The following ARHGAP21 variants were observed in gnomAD, a reference collection of about 807,000 sequenced individuals.
ARHGAP21 encodes Rho GTPase activating protein 21.
A neutral mutation model predicts 164.6 loss-of-function variants in ARHGAP21; 38 were observed. The ratio of observed to expected loss-of-function variants is 0.23; its 90% confidence interval spans 0.18 to 0.30. The LOEUF is 0.30. Ranked by LOEUF, ARHGAP21 falls within the 10% of genes least tolerant of loss-of-function variation. The pLI is 1.00. For synonymous variants in ARHGAP21, 766 were observed against 857.9 expected (o/e 0.89, Z 1.87); for missense variants, 1,822 against 2,370.7 (o/e 0.77, Z 4.81).
intron 2 of ARHGAP21, among the ~76,000 whole-genome samples, chr10:24,712,605 A>G (rs570550486): frequency 3.0e-4 from 45 of 152,218 alleles, no homozygotes; most frequent in Non-Finnish European, 5.3e-4. Flanking sequence ...GTACTTGTTC[A>G]GCACAGACAC....
chr10:24,588,321 A>G (rs879894216), intron 25 of ARHGAP21, among the ~76,000 whole-genome samples: 21 of 152,224 alleles, frequency 1.4e-4, no homozygotes, highest in Non-Finnish European at 2.6e-4. Context: ...ATTCAGAACA[A>G]AAGTGTGAAT....
chr10:24,635,140 C>A (rs760192357), intron 4 of ARHGAP21, 37 bp from the exon 5 acceptor site: 82 of 1,333,830 alleles, frequency 6.1e-5, no homozygotes, highest in Middle Eastern at 2.1e-4. Flanking sequence ...TTTTACTTCA[C>A]AATACTTTAC....
rs1834493797 is a variant in ARHGAP21 at position 24,621,053 on chromosome 10, A to T, written c.842T>A (p.Val281Asp). ...VRTVIVPSEK[V>D]VDLLSNRNNH... is the part of the protein sequence containing the mutation. ...GTTTCTATTGGATAACAAATCTACA[A>T]CCTTCTCAGAAGGCACAATGACAGT... Residue 281 changes from valine (V) to aspartate (D), a missense_variant, in exon 9 of 26, where the codon GTT becomes GAT. Val to Asp is a radical substitution (Grantham distance 152, BLOSUM62 -3). Transcript: ENST00000396432. The T allele has an allele frequency of 6.2e-7, 1 of 1,613,848 alleles. No homozygotes were observed. The highest frequency in any genetic ancestry group is 1.7e-5 in the Admixed American group (1 of 59,990).
At chr10:24,594,210 C>T (rs896238468) in intron 21 of ARHGAP21, among the ~76,000 whole-genome samples, 3 of 152,292 alleles carry the variant, frequency 2.0e-5, no homozygotes, top group South Asian at 4.1e-4. Flanking sequence ...ATTTTAAAAT[C>T]TCTGATGATA....
chr10:24,626,765 T>A (rs541203610), intron 7 of ARHGAP21, among the ~76,000 whole-genome samples: 4 of 152,346 alleles, frequency 2.6e-5, no homozygotes, highest in South Asian at 4.1e-4. Context: ...AAAACCTTTT[T>A]ATTTTGCAAT....
In ARHGAP21 at chr10:24,601,989, C is replaced by T; in HGVS notation, c.2836G>A (p.Asp946Asn). 2 of 1,610,868 alleles carry T rather than the reference C, an allele frequency of 1.2e-6. No individual in the cohort carries two copies. Among genetic ancestry groups the T allele is most frequent in the Non-Finnish European group, 1.7e-6 (2 of 1,179,378 alleles). The part of the protein sequence containing the change: ...GWLHFRPLVT[D>N]KGKRVGGSIR... ...AGAAAACACACTACCTTGCCCTTAT[C>T]GGTGACAAGGGGTCGGAAATGAAGC... Residue 946 changes from aspartate to asparagine, a missense_variant, in exon 13 of 26, where the codon GAT (aspartate) becomes AAT (asparagine). Coordinates refer to ENST00000396432, the MANE Select transcript of ARHGAP21 (RefSeq NM_020824.4).
chr10:24,704,295 T>C (rs1206105562), intron 2 of ARHGAP21, among the ~76,000 whole-genome samples: 12 of 147,450 alleles, frequency 8.1e-5, no homozygotes, highest in African/African-American at 2.5e-4. Context: ...TTTTCTTTTT[T>C]TTTTTTTTTT....
intron 4 of ARHGAP21, among the ~76,000 whole-genome samples, chr10:24,655,215 G>A (rs1417793717): frequency 6.6e-6 from 1 of 152,206 alleles, no homozygotes; most frequent in African/African-American, 2.4e-5. Flanking sequence ...CATGGGCAAG[G>A]ACTTCGTGTC....
At chr10:24,717,466 G>A (rs1416652544) in intron 2 of ARHGAP21, among the ~76,000 whole-genome samples, 2 of 152,140 alleles carry the variant, frequency 1.3e-5, no homozygotes, top group South Asian at 2.1e-4. Context: ...GAATACACTA[G>A]GGGCAACTGA....
At position 24,716,772 on chromosome 10, in the gene ARHGAP21, A is replaced by G. The variant is rs111959649; in HGVS notation, c.63+5065T>C. Among the ~76,000 whole-genome samples the G allele has an allele frequency of 6.4e-3, 973 of 152,348 alleles. 10 individuals carry two copies. The highest frequency in any genetic ancestry group is 0.024 in the Middle Eastern group (7 of 294). On this transcript the variant is annotated intron_variant, in intron 2 of 25. Transcript: ENST00000396432. ...GTGGAGAAATCAGTCAACCAGATCC[A>G]CATGTCATATATGAGAAAAAAGAGA...
chr10:24,617,673 A>G (rs1834097440), intron 9 of ARHGAP21, among the ~76,000 whole-genome samples: 1 of 124,458 alleles, frequency 8.0e-6, no homozygotes, highest in Admixed American at 8.1e-5. Flanking sequence ...CTATCCAATT[A>G]AGTGTTTTCT....
chr10:24,685,167 T>C (rs1405168183), intron 2 of ARHGAP21, among the ~76,000 whole-genome samples: 1 of 152,188 alleles, frequency 6.6e-6, no homozygotes, highest in Non-Finnish European at 1.5e-5. Context: ...AATATTCAAA[T>C]TTGTTTGTTT....
Position 24,723,880 on chromosome 10 carries a change from A to G in ARHGAP21, c.-699T>C, listed in dbSNP as rs901044508. On this transcript the variant is annotated 5_prime_UTR_variant, in exon 1 of 26. Coordinates refer to ENST00000396432, the MANE Select transcript of ARHGAP21 (RefSeq NM_020824.4). ...CTCCGGCGCCCGCGAACGCCAAGTG[A>G]CAGAAGCGCCTCGCTCCGTGGCCGC... 8.6e-5 allele frequency among the ~76,000 whole-genome samples: 13 copies of G among 151,150 alleles called. No individual in the cohort carries two copies. The highest frequency in any genetic ancestry group is 3.1e-4 in the African/African-American group (13 of 41,274).
chr10:24,721,458 G>C (rs890484903), intron 2 of ARHGAP21, among the ~76,000 whole-genome samples: 2 of 152,214 alleles, frequency 1.3e-5, no homozygotes, highest in African/African-American at 4.8e-5. Flanking sequence ...CACAAATGCT[G>C]AAAGCCACCC....
At chr10:24,590,886 C>A in intron 24 of ARHGAP21, 1 of 982,874 alleles carries the variant, frequency 1.0e-6, no homozygotes. Context: ...ACCACATACT[C>A]AGTAGCATAT....
At chr10:24,623,972 G>A (rs1277373575) in intron 7 of ARHGAP21, among the ~76,000 whole-genome samples, 1 of 152,060 alleles carries the variant, frequency 6.6e-6, no homozygotes, top group Middle Eastern at 3.2e-3. Context: ...GTATACGGCT[G>A]GAACTATTAA....
At position 24,604,174 on chromosome 10, in the gene ARHGAP21, C is replaced by T. The variant is rs181289253; in HGVS notation, c.2721+138G>A. On this transcript the variant is annotated intron_variant, in intron 12 of 25. Transcript: ENST00000396432. ...CTTGAACTGATAAAGTCAGAAAAAT[C>T]AGCACAATGTGTATCAAGTATTACA... 1.7e-3 allele frequency: 935 copies of T among 544,422 alleles called. 2 individuals carry two copies. Among genetic ancestry groups the T allele is most frequent in the Non-Finnish European group, 2.3e-3 (784 of 343,918 alleles). The allele number at this position is 544,422 out of a possible 1,614,324, so 33.7% of individuals were successfully genotyped here. A position where few individuals can be genotyped will look rare whatever the true frequency, so the allele number is the denominator to read the frequency against.
chr10:24,720,047 TTG>T (rs759129210), intron 2 of ARHGAP21, among the ~76,000 whole-genome samples: 1 of 152,148 alleles, frequency 6.6e-6, no homozygotes, highest in African/African-American at 2.4e-5. Context: ...ACAGGTGATA[TTG>T]TGTTTTCTTC....
At chr10:24,596,690 C>T (rs914885981) in intron 17 of ARHGAP21, 50 bp downstream of exon 17, 1 of 1,611,378 alleles carries the variant, frequency 6.2e-7, no homozygotes, top group Admixed American at 1.7e-5. Flanking sequence ...CCATTATAAT[C>T]AAAACTGAAT....
Sources: gnomAD v4.1 joint callset for allele counts (sites outside exome capture counted in the v4.1 genomes callset) on GRCh38, gnomAD v4.1.1 for gene constraint, MANE v1.5 for transcripts, NCBI Gene and HGNC (gene_info 2026-07-23, HGNC 2026-07-21) for gene names.